CDH12: variants seen among roughly 807,000 people sequenced by gnomAD.
The protein encoded by CDH12 is cadherin 12, also known as cadherin-12.
In CDH12, 41 loss-of-function variants were observed where a neutral mutation model predicts 74.1. The ratio of observed to expected loss-of-function variants is 0.55; its 90% confidence interval spans 0.43 to 0.72. The LOEUF (loss-of-function observed/expected upper bound fraction) is 0.72. Ranked by LOEUF, CDH12 falls within the 30% of genes least tolerant of loss-of-function variation. The probability of loss-of-function intolerance (pLI) is 0.00; values close to 1 mark genes in which losing one functional copy is unlikely to be tolerated. For synonymous variants in CDH12, 399 were observed against 355.0 expected (o/e 1.12, Z -1.39); for missense variants, 945 against 977.2 (o/e 0.97, Z 0.44).
intron 3 of CDH12, among the ~76,000 whole-genome samples, chr5:22,229,446 CAA>C (rs71609756): frequency 6.9e-5 from 7 of 100,888 alleles, no homozygotes; most frequent in Non-Finnish European, 8.1e-5. Flanking sequence ...GACTCCGTCT[CAA>C]AAAAAAAAAA....
At chr5:22,317,119 A>T (rs141324378) in intron 3 of CDH12, among the ~76,000 whole-genome samples, 18 of 152,092 alleles carry the variant, frequency 1.2e-4, no homozygotes, top group African/African-American at 4.1e-4. Context: ...GGAGTTCGAG[A>T]CCAGCCTGGC....
intron 8 of CDH12, among the ~76,000 whole-genome samples, chr5:21,840,428 T>C (rs1749772660): frequency 1.5e-5 from 2 of 130,420 alleles, no homozygotes; most frequent in African/African-American, 8.3e-5. Context: ...TGAAGATTTG[T>C]AATTTTTTTT....
chr5:22,393,448 C>G (rs1013293627), intron 3 of CDH12, among the ~76,000 whole-genome samples: 4 of 152,068 alleles, frequency 2.6e-5, no homozygotes, highest in Admixed American at 6.6e-5. Context: ...TTTTAACCAC[C>G]CATTTGTACA....
chr5:22,851,840 A>C (rs975178328), intron 1 of CDH12, among the ~76,000 whole-genome samples: 2 of 152,172 alleles, frequency 1.3e-5, no homozygotes, highest in South Asian at 4.1e-4. Flanking sequence ...ATAAGATGAT[A>C]TTTTAAATTG....
chr5:22,697,297 C>A (rs556972499), intron 1 of CDH12, among the ~76,000 whole-genome samples: 1 of 152,048 alleles, frequency 6.6e-6, no homozygotes, highest in Non-Finnish European at 1.5e-5. Context: ...GCCAGCCGGG[C>A]GCGGTGCCTC....
intron 1 of CDH12, among the ~76,000 whole-genome samples, chr5:22,767,480 T>A (rs1243636592): frequency 6.6e-6 from 1 of 151,982 alleles, no homozygotes; most frequent in African/African-American, 2.4e-5. Context: ...TTGAGTCCAC[T>A]GAGTGGTAAA....
intron 4 of CDH12, among the ~76,000 whole-genome samples, chr5:22,202,169 C>T (rs200594268): frequency 0.12 from 9,755 of 81,970 alleles, 1,744 homozygotes; most frequent in East Asian, 0.2. Flanking sequence ...CTTCCTTCCT[C>T]CCTTCCTTCC....
At chr5:22,232,306 A>C (rs2150375620) in intron 3 of CDH12, among the ~76,000 whole-genome samples, 1 of 152,020 alleles carries the variant, frequency 6.6e-6, no homozygotes, top group South Asian at 2.1e-4. Flanking sequence ...TTTTTTTAAA[A>C]GCTGTTTTGA....
chr5:22,736,039 C>T (rs553697635), intron 1 of CDH12, among the ~76,000 whole-genome samples: 2 of 151,794 alleles, frequency 1.3e-5, no homozygotes, highest in East Asian at 3.9e-4. Context: ...ATTATTTGAC[C>T]ATGTCACTTA....
At chr5:22,447,789 T>C (rs1309442373) in intron 2 of CDH12, among the ~76,000 whole-genome samples, 4 of 151,856 alleles carry the variant, frequency 2.6e-5, no homozygotes, top group Non-Finnish European at 5.9e-5. Flanking sequence ...AACCACAACA[T>C]ATCTGGAAAA....
intron 3 of CDH12, among the ~76,000 whole-genome samples, chr5:22,259,904 AG>A (rs1221964329): frequency 1.3e-5 from 2 of 152,036 alleles, no homozygotes; most frequent in Admixed American, 6.6e-5. Context: ...AGAGATTACT[AG>A]TAGAAGACCC....
At chr5:22,601,187 T>C (rs1343731418) in intron 1 of CDH12, among the ~76,000 whole-genome samples, 4 of 152,068 alleles carry the variant, frequency 2.6e-5, no homozygotes, top group Admixed American at 1.3e-4. Flanking sequence ...TATGTTTTCT[T>C]AAAAATTTTA....
At chr5:22,811,153 A>G (rs142086601) in intron 1 of CDH12, among the ~76,000 whole-genome samples, 58 of 151,864 alleles carry the variant, frequency 3.8e-4, no homozygotes, top group Non-Finnish European at 7.9e-4. Flanking sequence ...AAATATACAT[A>G]TATATATACA....
intron 6 of CDH12, among the ~76,000 whole-genome samples, chr5:21,871,017 C>T (rs1751588948): frequency 6.6e-6 from 1 of 152,206 alleles, no homozygotes; most frequent in African/African-American, 2.4e-5. Context: ...CAGGCATGAG[C>T]CACCATTCCC....
intron 5 of CDH12, among the ~76,000 whole-genome samples, chr5:22,041,189 T>C (rs1371556185): frequency 6.6e-6 from 1 of 152,004 alleles, no homozygotes; most frequent in African/African-American, 2.4e-5. Context: ...ATATAGCAGA[T>C]GCACAAATGT....
At chr5:22,804,167 T>C (rs1414956404) in intron 1 of CDH12, among the ~76,000 whole-genome samples, 2 of 152,204 alleles carry the variant, frequency 1.3e-5, no homozygotes, top group Non-Finnish European at 2.9e-5. Context: ...TTGTCTATAG[T>C]ATTTGGCGGC....
chr5:21,804,831 T>C (rs1489658557), intron 9 of CDH12, among the ~76,000 whole-genome samples: 1 of 152,086 alleles, frequency 6.6e-6, no homozygotes, highest in Non-Finnish European at 1.5e-5. Flanking sequence ...TTTGAAGAAG[T>C]ACCAAGTTCT....
intron 3 of CDH12, among the ~76,000 whole-genome samples, chr5:22,225,530 C>T (rs539287840): frequency 2.0e-5 from 3 of 152,048 alleles, no homozygotes; most frequent in Admixed American, 2.0e-4. Context: ...TAAGACAATC[C>T]TACTGTTTTT....
At chr5:22,056,622 G>A (rs1370069136) in intron 5 of CDH12, among the ~76,000 whole-genome samples, 1 of 152,148 alleles carries the variant, frequency 6.6e-6, no homozygotes, top group Non-Finnish European at 1.5e-5. Flanking sequence ...TAAATCTAGA[G>A]ATCTTTCTGT....
Sources: allele counts gnomAD v4.1 joint callset (sites outside exome capture counted in the v4.1 genomes callset), GRCh38; gene constraint gnomAD v4.1.1; transcripts MANE v1.5; gene names NCBI Gene and HGNC (gene_info 2026-07-23, HGNC 2026-07-21).